PPP3R1: variants seen among roughly 807,000 people sequenced by gnomAD.
PPP3R1 encodes protein phosphatase 3 regulatory subunit B, alpha, also known as calcineurin subunit B type 1.
PPP3R1 carries 5 observed loss-of-function variants against 22.6 expected under a neutral mutation model. The ratio of observed to expected loss-of-function variants is 0.22; its 90% CI spans 0.12 to 0.46. The LOEUF (loss-of-function observed/expected upper bound fraction) is 0.46, where lower values mean the gene tolerates loss of function less well. Ranked by LOEUF, PPP3R1 falls within the 20% of genes least tolerant of loss-of-function variation. The pLI is 0.99. For synonymous variants in PPP3R1, 56 were observed against 65.2 expected, an observed-to-expected ratio of 0.86 and a Z score of 0.68; for missense variants, 61 against 203.2, an observed-to-expected ratio of 0.30 and a Z score of 4.25.
chr2:68,223,113 T>C (rs1669716903), intron 1 of PPP3R1, among the ~76,000 whole-genome samples: 1 of 152,082 alleles, frequency 6.6e-6, no homozygotes, highest in Admixed American at 6.5e-5. Context: ...AAGAAAACTA[T>C]GGCCGGGCGC....
chr2:68,202,457 C>G (rs931461543), intron 2 of PPP3R1, among the ~76,000 whole-genome samples: 3 of 151,688 alleles, frequency 2.0e-5, no homozygotes, highest in African/African-American at 7.3e-5. Flanking sequence ...TGGAGTCTCG[C>G]TCTGTCTCCC....
intron 2 of PPP3R1, among the ~76,000 whole-genome samples, chr2:68,198,320 T>C (rs1674861263): frequency 7.0e-6 from 1 of 143,064 alleles, no homozygotes; most frequent in African/African-American, 2.7e-5. Context: ...CATATATGTA[T>C]ATACATATGT....
chr2:68,207,207 T>G, intron 2 of PPP3R1, among the ~76,000 whole-genome samples: 1 of 124,168 alleles, frequency 8.1e-6, no homozygotes, highest in South Asian at 2.8e-4. Context: ...ATCCAAATAG[T>G]CAGGAAAATA....
Position 68,252,155 on chromosome 2 carries a change from G to A in PPP3R1, c.-28C>T. 2 of 1,412,344 alleles carry A rather than the reference G, an allele frequency of 1.4e-6. No homozygotes were observed. The highest frequency in any genetic ancestry group is 9.4e-7 in the Non-Finnish European group (1 of 1,061,892). 87.5% of individuals were successfully genotyped at this position (1,412,344 alleles called of 1,614,324 possible). The stretch of plus-strand genomic sequence containing the variant: ...TGCTCGGCGGGTCGGCGGCTCGCTG[G>A]CTCGCTGGCTCGGAGAAGTGTTGCG... On this transcript the variant is annotated 5_prime_UTR_variant, in exon 1 of 6. Transcript: ENST00000234310.
At position 68,252,387 on chromosome 2, in the gene PPP3R1, G is replaced by A. The variant is rs1670388598; in HGVS notation, c.-260C>T. 5 of 1,001,634 alleles carry A rather than the reference G, an allele frequency of 5.0e-6. No homozygotes were observed. Among genetic ancestry groups the A allele is most frequent in the South Asian group, 4.7e-5 (1 of 21,490 alleles). The allele number at this position is 1,001,634 out of a possible 1,614,324, so 62.0% of individuals were successfully genotyped here. A position where few individuals can be genotyped will look rare whatever the true frequency, so the allele number is the denominator to read the frequency against. The stretch of plus-strand genomic sequence containing the variant: ...CGGAGAGCGCGGGAGGAGCAGCGGC[G>A]AGAGGCAGGAGAGGCAGAGAAGAAG... On this transcript the variant is annotated 5_prime_UTR_variant, in exon 1 of 6. Coordinates refer to ENST00000234310, the MANE Select transcript of PPP3R1 (RefSeq NM_000945.4).
chr2:68,246,057 TTC>T (rs1204252871), intron 1 of PPP3R1, among the ~76,000 whole-genome samples: 1 of 145,074 alleles, frequency 6.9e-6, no homozygotes, highest in Non-Finnish European at 1.5e-5. Flanking sequence ...TACTGACTTT[TTC>T]TTTCTTTCTT....
intron 2 of PPP3R1, among the ~76,000 whole-genome samples, chr2:68,209,522 G>A (rs1669429489): frequency 6.6e-6 from 1 of 151,894 alleles, no homozygotes; most frequent in Admixed American, 6.6e-5. Context: ...CAGAGGCTGA[G>A]GTGCATGGAT....
intron 2 of PPP3R1, among the ~76,000 whole-genome samples, chr2:68,207,399 TTAC>T (rs1325543057): frequency 6.6e-6 from 1 of 152,096 alleles, no homozygotes; most frequent in Admixed American, 6.5e-5. Context: ...GAAAGAAGAC[TTAC>T]TACTAAGTTC....
In PPP3R1 at chr2:68,252,289, G is replaced by C; in HGVS notation, c.-162C>G. On this transcript the variant is annotated 5_prime_UTR_variant, in exon 1 of 6. Transcript: ENST00000234310. ...GGGGAGGCGGCGCCGCGGGGCCCGC[G>C]CCGGCCGGGCGATTGGGCACGCGAG... The C allele has an allele frequency of 9.7e-7, 1 of 1,031,998 alleles. No individual in the cohort carries two copies. Among genetic ancestry groups the C allele is most frequent in the Non-Finnish European group, 1.2e-6 (1 of 861,596 alleles). 63.9% of individuals were successfully genotyped at this position (1,031,998 alleles called of 1,614,324 possible). A position where few individuals can be genotyped will look rare whatever the true frequency, so the allele number is the denominator to read the frequency against.
At position 68,209,384 on chromosome 2, in the gene PPP3R1, A is replaced by C. The variant is rs998971457; in HGVS notation, c.43+7708T>G. ...AAAAAAAAAAAAAAAAAAAAAAAAAAAAAAAAACTGTGGAAGTTACAAAAT... is the reference window on the plus strand; with the variant it reads ...AAAAAAAAAAAAAAAAAAAAAAAAACAAAAAAACTGTGGAAGTTACAAAAT... On this transcript the variant is annotated intron_variant, in intron 2 of 5. Transcript: ENST00000234310. Among the ~76,000 whole-genome samples the C allele has an allele frequency of 1.2e-4, 18 of 144,976 alleles. No individual in the cohort carries two copies. The East Asian group carries it at 1.8e-3, about 14-fold the overall frequency.
Position 68,243,371 on chromosome 2 carries a change from T to G in PPP3R1, c.3+8754A>C, listed in dbSNP as rs181153048. 2.3e-3 allele frequency among the ~76,000 whole-genome samples: 357 copies of G among 152,300 alleles called. 3 individuals are homozygous for G. The highest frequency in any genetic ancestry group is 8.3e-3 in the African/African-American group (345 of 41,560). On this transcript the variant is annotated intron_variant, in intron 1 of 5. Transcript: ENST00000234310. ...CACTGAGGAGATGTTGACCATAAGT[T>G]TCCTTTATTATGGAGTCTATGGAGA...
At chr2:68,203,386 G>T (rs1022709998) in intron 2 of PPP3R1, among the ~76,000 whole-genome samples, 2 of 152,212 alleles carry the variant, frequency 1.3e-5, no homozygotes, top group Non-Finnish European at 2.9e-5. Context: ...TGGATCACCT[G>T]AGGTCAGGAG....
rs1364696803 is a variant in PPP3R1 at position 68,179,913 on chromosome 2, G to GT, written c.*1049dup. The GT allele has an allele frequency of 1.3e-5, 2 of 152,136 alleles. No individual in the cohort carries two copies. The highest frequency in any genetic ancestry group is 2.9e-5 in the Non-Finnish European group (2 of 68,032). 9.4% of individuals were successfully genotyped at this position (152,136 alleles called of 1,614,324 possible). A position where few individuals can be genotyped will look rare whatever the true frequency, so the allele number is the denominator to read the frequency against. On this transcript the variant is annotated 3_prime_UTR_variant, in exon 6 of 6. Transcript: ENST00000234310. ...CATACATGCATATTAAATATCACCA[G>GT]TTTTTTAGATTAGCTGCAAGTCTTT... is the stretch of plus-strand genomic sequence containing the variant.
At position 68,222,822 on chromosome 2, in the gene PPP3R1, G is replaced by T. The variant is rs113763096; in HGVS notation, c.4-5691C>A. ...GAAACCTGACTAATACAATCAGAAA[G>T]AATACTCAATCCCATGAAAGGCAGA... On this transcript the variant is annotated intron_variant, in intron 1 of 5. Transcript: ENST00000234310. Among the ~76,000 whole-genome samples, 386 of 151,888 alleles carry T rather than the reference G, an allele frequency of 2.5e-3. 2 individuals carry two copies. The highest frequency in any genetic ancestry group is 9.1e-3 in the African/African-American group (375 of 41,390).
chr2:68,228,398 C>A (rs2103787505), intron 1 of PPP3R1, among the ~76,000 whole-genome samples: 1 of 152,206 alleles, frequency 6.6e-6, no homozygotes, highest in Admixed American at 6.5e-5. Flanking sequence ...CTATTTCACA[C>A]TGGAAGAGGT....
At chr2:68,210,972 C>T (rs1669467293) in intron 2 of PPP3R1, among the ~76,000 whole-genome samples, 1 of 152,064 alleles carries the variant, frequency 6.6e-6, no homozygotes, top group Admixed American at 6.5e-5. Flanking sequence ...TCCAGACCAC[C>T]ACAATAAAGT....
chr2:68,181,027 C>T lies in PPP3R1; in HGVS notation c.466-17G>A, dbSNP rs891959087. The T allele has an allele frequency of 1.2e-6, 2 of 1,609,976 alleles. No homozygotes were observed. The highest frequency in any genetic ancestry group is 1.7e-5 in the Admixed American group (1 of 59,956). On this transcript the variant is annotated splice_polypyrimidine_tract_variant and intron_variant, in intron 5 of 5. Coordinates refer to ENST00000234310, the MANE Select transcript of PPP3R1 (RefSeq NM_000945.4). ...ACCTACAACCTGCAACAGACAGGAACAAATCAAGCTTCACAGTGTCTGAGA... is the reference window on the plus strand; with the variant it reads ...ACCTACAACCTGCAACAGACAGGAATAAATCAAGCTTCACAGTGTCTGAGA...
chr2:68,225,183 A>G (rs1436573492), intron 1 of PPP3R1, among the ~76,000 whole-genome samples: 1 of 152,162 alleles, frequency 6.6e-6, no homozygotes, highest in Non-Finnish European at 1.5e-5. Context: ...TTACTGCTGC[A>G]GAAGGATTTT....
intron 2 of PPP3R1, among the ~76,000 whole-genome samples, chr2:68,196,873 C>A (rs1387703168): frequency 6.6e-6 from 1 of 152,074 alleles, no homozygotes; most frequent in African/African-American, 2.4e-5. Flanking sequence ...TACAGGCGTG[C>A]GCCACCACGC....
Sources: allele counts gnomAD v4.1 joint callset (sites outside exome capture counted in the v4.1 genomes callset), GRCh38; gene constraint gnomAD v4.1.1; transcripts MANE v1.5; gene names NCBI Gene and HGNC (gene_info 2026-07-23, HGNC 2026-07-21).